Variants in PRIM2 observed in about 807,000 individuals in gnomAD.
The protein encoded by PRIM2 is DNA primase subunit 2.
Under a neutral mutation model 67.3 loss-of-function variants are expected in PRIM2, and 39 were observed. The observed-to-expected ratio is 0.58, with a 90% CI of 0.45 to 0.76. The LOEUF is 0.76. Ranked by LOEUF, PRIM2 falls within the 30% of genes least tolerant of loss-of-function variation. PRIM2 has a pLI of 0.00. For missense variants in PRIM2, 398 were observed against 598.7 expected, an observed-to-expected ratio of 0.66 and a Z score of 3.50; for synonymous variants, 143 against 198.7, an observed-to-expected ratio of 0.72 and a Z score of 2.36.
intron 7 of PRIM2, among the ~76,000 whole-genome samples, chr6:57,484,100 T>C (rs1354372772): frequency 6.6e-6 from 1 of 152,230 alleles, no homozygotes; most frequent in African/African-American, 2.4e-5. Context: ...CTTATTTCTA[T>C]GGGATTTTGG....
chr6:57,602,555 C>G (rs1330965011), intron 11 of PRIM2, among the ~76,000 whole-genome samples: 7 of 152,168 alleles, frequency 4.6e-5, no homozygotes, highest in African/African-American at 1.7e-4. Flanking sequence ...CCTTTTTTAG[C>G]CTAGCAGCCA....
intron 7 of PRIM2, among the ~76,000 whole-genome samples, chr6:57,481,080 T>C (rs1215740826): frequency 6.6e-6 from 1 of 152,210 alleles, no homozygotes; most frequent in Non-Finnish European, 1.5e-5. Context: ...GCCCGAGTGG[T>C]TACATCTTAC....
At chr6:57,413,455 A>G (rs1217151290) in intron 7 of PRIM2, among the ~76,000 whole-genome samples, 2 of 151,830 alleles carry the variant, frequency 1.3e-5, no homozygotes, top group Non-Finnish European at 2.9e-5. Flanking sequence ...CCAATATCAA[A>G]TGGCAAATTC....
At chr6:57,269,323 A>G in the PRIM2 span, among the ~76,000 whole-genome samples, 315 of 152,110 alleles carry the variant, frequency 2.1e-3, 1 homozygote, top group African/African-American at 6.9e-3. Flanking sequence ...AATGATCGCC[A>G]TTCTAACTGG....
intron 13 of PRIM2, among the ~76,000 whole-genome samples, chr6:57,635,469 G>T (rs1470980241): frequency 6.6e-6 from 1 of 152,130 alleles, no homozygotes; most frequent in Non-Finnish European, 1.5e-5. Context: ...TTTACTTTCT[G>T]CATATTCCAT....
chr6:57,255,962 G>A, the PRIM2 span, among the ~76,000 whole-genome samples: 2 of 151,940 alleles, frequency 1.3e-5, no homozygotes, highest in South Asian at 4.2e-4. Flanking sequence ...ATGCCCTAAG[G>A]GGGCTTAAAT....
intron 13 of PRIM2, among the ~76,000 whole-genome samples, chr6:57,640,010 A>G (rs1306949570): frequency 1.3e-5 from 2 of 152,190 alleles, no homozygotes; most frequent in Non-Finnish European, 2.9e-5. Flanking sequence ...AACTGAATCC[A>G]GCAGCACATC....
At chr6:57,285,722 C>G in the PRIM2 span, among the ~76,000 whole-genome samples, 1 of 152,156 alleles carries the variant, frequency 6.6e-6, no homozygotes, top group African/African-American at 2.4e-5. Context: ...CCCTCTCTCA[C>G]CACTCATATT....
At chr6:57,467,928 T>A (rs1302950151) in intron 7 of PRIM2, among the ~76,000 whole-genome samples, 2 of 152,176 alleles carry the variant, frequency 1.3e-5, no homozygotes, top group Non-Finnish European at 2.9e-5. Flanking sequence ...TGGCTGTTTG[T>A]CTGTTATTGG....
At chr6:57,378,192 CTGAGA>C (rs1414601082) in intron 5 of PRIM2, among the ~76,000 whole-genome samples, 4 of 151,634 alleles carry the variant, frequency 2.6e-5, no homozygotes, top group African/African-American at 9.7e-5. Flanking sequence ...TCCCAAGTAG[CTGAGA>C]TAACAAGTGT....
At chr6:57,554,573 C>G (rs1189902723) in intron 10 of PRIM2, among the ~76,000 whole-genome samples, 1 of 152,196 alleles carries the variant, frequency 6.6e-6, no homozygotes, top group African/African-American at 2.4e-5. Flanking sequence ...ACTAACAACT[C>G]TTTCAATCTC....
chr6:57,620,135 A>G (rs1403057171), intron 12 of PRIM2, among the ~76,000 whole-genome samples: 3 of 152,164 alleles, frequency 2.0e-5, no homozygotes, highest in Admixed American at 1.3e-4. Flanking sequence ...GGCTGAGGTT[A>G]CAGTGAGCCA....
At chr6:57,389,281 T>C (rs1219334933) in intron 7 of PRIM2, among the ~76,000 whole-genome samples, 1 of 152,034 alleles carries the variant, frequency 6.6e-6, no homozygotes, top group Non-Finnish European at 1.5e-5. Flanking sequence ...AAGTTTTTAT[T>C]AATAAAAGTT....
the PRIM2 span, among the ~76,000 whole-genome samples, chr6:57,308,828 C>G: frequency 6.6e-6 from 1 of 151,878 alleles, no homozygotes; most frequent in Non-Finnish European, 1.5e-5. Context: ...AATACTTGTT[C>G]AGGTTCCCTT....
At chr6:57,236,303 C>A in the PRIM2 span, among the ~76,000 whole-genome samples, 1 of 151,168 alleles carries the variant, frequency 6.6e-6, no homozygotes. Flanking sequence ...GTTCTCTTCA[C>A]TCACCTAGAC....
chr6:57,548,524 T>G (rs1179331074), intron 10 of PRIM2, among the ~76,000 whole-genome samples: 2 of 152,158 alleles, frequency 1.3e-5, no homozygotes, highest in African/African-American at 2.4e-5. Flanking sequence ...AAAGAGAATT[T>G]AAAACATTTA....
intron 8 of PRIM2, among the ~76,000 whole-genome samples, chr6:57,523,891 G>T (rs1312124978): frequency 6.6e-6 from 1 of 152,110 alleles, no homozygotes; most frequent in Non-Finnish European, 1.5e-5. Context: ...TTAAATTTCT[G>T]TTGTTTCTAC....
chr6:57,522,707 A>G (rs1257128117), intron 8 of PRIM2, among the ~76,000 whole-genome samples: 17 of 152,290 alleles, frequency 1.1e-4, no homozygotes, highest in Middle Eastern at 3.4e-3. Flanking sequence ...AATATTTTAC[A>G]TTTTATGGAC....
At chr6:57,247,566 T>C in the PRIM2 span, among the ~76,000 whole-genome samples, 1 of 152,200 alleles carries the variant, frequency 6.6e-6, no homozygotes, top group Non-Finnish European at 1.5e-5. Flanking sequence ...TAGCAAAAAC[T>C]GCTGTAATAG....
Sources: allele counts gnomAD v4.1 joint callset (sites outside exome capture counted in the v4.1 genomes callset), GRCh38; gene constraint gnomAD v4.1.1; transcripts MANE v1.5; gene names NCBI Gene and HGNC (gene_info 2026-07-23, HGNC 2026-07-21).